Variants in LDLRAD4 observed in about 807,000 individuals in gnomAD.
LDLRAD4 encodes low-density lipoprotein receptor class A domain-containing protein 4.
Under a neutral mutation model 17.0 loss-of-function variants are expected in LDLRAD4, and 5 were observed. The ratio of observed to expected loss-of-function variants is 0.29; its 90% confidence interval spans 0.15 to 0.62. The LOEUF (loss-of-function observed/expected upper bound fraction) is 0.62, where lower values mean the gene tolerates loss of function less well. Among genes scored for constraint, LDLRAD4 ranks in the 20% least tolerant of loss-of-function variants. The pLI is 0.84. For missense variants in LDLRAD4, 340 were observed against 424.7 expected, an observed-to-expected ratio of 0.80 and a Z score of 1.75; for synonymous variants, 168 against 171.8, an observed-to-expected ratio of 0.98 and a Z score of 0.17.
chr18:13,605,384 A>AT (rs1236716615), intron 3 of LDLRAD4, among the ~76,000 whole-genome samples: 19 of 152,258 alleles, frequency 1.2e-4, no homozygotes, highest in African/African-American at 4.6e-4. Flanking sequence ...CACCTGGCTA[A>AT]TTTTTAAATT....
chr18:13,601,397 G>A (rs1423947887), intron 3 of LDLRAD4, among the ~76,000 whole-genome samples: 1 of 152,070 alleles, frequency 6.6e-6, no homozygotes, highest in African/African-American at 2.4e-5. Flanking sequence ...CTAACCATAA[G>A]AGAAATGCAA....
intron 1 of LDLRAD4, among the ~76,000 whole-genome samples, chr18:13,254,542 G>T (rs1375024492): frequency 6.6e-6 from 1 of 152,250 alleles, no homozygotes; most frequent in Non-Finnish European, 1.5e-5. Context: ...GACCCTCCAT[G>T]CTTCTGCCAG....
intron 1 of LDLRAD4, among the ~76,000 whole-genome samples, chr18:13,226,987 T>C (rs1349284820): frequency 6.6e-6 from 1 of 152,080 alleles, no homozygotes; most frequent in Admixed American, 6.5e-5. Flanking sequence ...GTTCAGTCGC[T>C]TCTCTTCATT....
chr18:13,483,442 G>A (rs1324216983), intron 3 of LDLRAD4, among the ~76,000 whole-genome samples: 2 of 152,152 alleles, frequency 1.3e-5, no homozygotes, highest in Non-Finnish European at 2.9e-5. Context: ...CCCTGGACCC[G>A]GGGGTCATGT....
intron 2 of LDLRAD4, among the ~76,000 whole-genome samples, chr18:13,434,184 A>G (rs1292722687): frequency 5.3e-5 from 8 of 151,544 alleles, no homozygotes. Flanking sequence ...AGATTGTGTT[A>G]TTACCAGAAG....
chr18:13,545,744 A>G, intron 3 of LDLRAD4, among the ~76,000 whole-genome samples: 1 of 152,144 alleles, frequency 6.6e-6, no homozygotes, highest in African/African-American at 2.4e-5. Context: ...AATTTATGAC[A>G]CCAAGCATAC....
At chr18:13,368,055 G>A (rs912437644) in intron 1 of LDLRAD4, among the ~76,000 whole-genome samples, 1 of 152,116 alleles carries the variant, frequency 6.6e-6, no homozygotes, top group African/African-American at 2.4e-5. Context: ...AACAGATGTG[G>A]GAGGAAGGGT....
chr18:13,283,085 G>A lies in LDLRAD4; in HGVS notation c.-383+4897G>A, dbSNP rs2045383625. ...GCACCAAGTCCCTAGGTTGCATACAGCACGGGGACCCTGGGCCCAGCCCAC... is the reference window on the plus strand; with the variant it reads ...GCACCAAGTCCCTAGGTTGCATACAACACGGGGACCCTGGGCCCAGCCCAC... On this transcript the variant is annotated intron_variant, in intron 1 of 5. Transcript: ENST00000359446. Among the ~76,000 whole-genome samples the A allele has an allele frequency of 3.3e-5, 5 of 152,334 alleles. No individual in the cohort carries two copies. In the South Asian group the frequency reaches 1.0e-3, roughly 32 times the overall value.
At chr18:13,260,900 A>G (rs892976146) in intron 1 of LDLRAD4, among the ~76,000 whole-genome samples, 9 of 152,208 alleles carry the variant, frequency 5.9e-5, no homozygotes, top group East Asian at 1.9e-4. Flanking sequence ...GTGCCTCCCT[A>G]TGGCCTCCCT....
intron 1 of LDLRAD4, among the ~76,000 whole-genome samples, chr18:13,308,754 C>G (rs556789413): frequency 6.6e-6 from 1 of 152,276 alleles, no homozygotes; most frequent in Non-Finnish European, 1.5e-5. Flanking sequence ...ATTAGGGAAG[C>G]AGACTTCCCT....
intron 3 of LDLRAD4, among the ~76,000 whole-genome samples, chr18:13,494,415 C>G (rs77382313): frequency 0.074 from 11,302 of 151,716 alleles, 487 homozygotes; most frequent in Non-Finnish European, 0.097. Context: ...AATGTGCCAC[C>G]GAAACTCTAA....
At chr18:13,386,891 C>CATAGATAGATAG (rs71174169) in intron 1 of LDLRAD4, among the ~76,000 whole-genome samples, 9 of 146,910 alleles carry the variant, frequency 6.1e-5, no homozygotes, top group Non-Finnish European at 1.2e-4. Context: ...CCCTGTCATT[C>CATAGATAGATAG]ATAGATAGAT....
At chr18:13,436,289 G>T (rs1353677304) in intron 2 of LDLRAD4, among the ~76,000 whole-genome samples, 1 of 152,172 alleles carries the variant, frequency 6.6e-6, no homozygotes, top group African/African-American at 2.4e-5. Context: ...TAATATATTG[G>T]TTATATGAAC....
intron 4 of LDLRAD4, chr18:13,642,876 C>G: frequency 6.1e-6 from 3 of 488,150 alleles, no homozygotes; most frequent in Non-Finnish European, 9.7e-6. Flanking sequence ...GGGACGGGCT[C>G]TTTCTCGCTC....
At chr18:13,226,848 C>A (rs978273276) in intron 1 of LDLRAD4, among the ~76,000 whole-genome samples, 3 of 152,192 alleles carry the variant, frequency 2.0e-5, no homozygotes, top group African/African-American at 7.2e-5. Context: ...TGGGCATAGA[C>A]TGCTCTTGGT....
intron 2 of LDLRAD4, among the ~76,000 whole-genome samples, chr18:13,433,344 G>A (rs1293921984): frequency 6.6e-6 from 1 of 152,192 alleles, no homozygotes; most frequent in Non-Finnish European, 1.5e-5. Context: ...AACTAAATGA[G>A]TCAGTGTTGC....
Position 13,645,236 on chromosome 18 carries a change from A to G in LDLRAD4, c.500A>G (p.Asp167Gly). Residue 167 changes from aspartate to glycine, a missense_variant, in exon 6 of 6, where the codon GAT becomes GGT. Transcript: ENST00000359446. The surrounding 1 kb of genome is among the most constrained non-coding windows in gnomAD (Gnocchi z 5.7). Reference sequence around the variant, plus strand: ...TACCCCTATGTGCAGCACGAGATTGATCTTCCTCCCACCATCTCCCTGTCC... The same window carrying G: ...TACCCCTATGTGCAGCACGAGATTGGTCTTCCTCCCACCATCTCCCTGTCC... 6.2e-7 allele frequency: 1 copy of G among 1,613,946 alleles called. No homozygotes were observed. Among genetic ancestry groups the G allele is most frequent in the Non-Finnish European group, 8.5e-7 (1 of 1,180,012 alleles).
intron 1 of LDLRAD4, among the ~76,000 whole-genome samples, chr18:13,221,049 C>G (rs1011154698): frequency 1.3e-5 from 2 of 152,222 alleles, no homozygotes; most frequent in Non-Finnish European, 2.9e-5. Flanking sequence ...CATGTTTCTT[C>G]TCATCTTTCT....
intron 3 of LDLRAD4, among the ~76,000 whole-genome samples, chr18:13,587,041 T>G (rs2094945359): frequency 6.6e-6 from 1 of 152,044 alleles, no homozygotes; most frequent in Non-Finnish European, 1.5e-5. Flanking sequence ...TATTATATGT[T>G]TATTCATTTT....
Sources: allele counts gnomAD v4.1 joint callset (sites outside exome capture counted in the v4.1 genomes callset), GRCh38; gene constraint gnomAD v4.1.1; non-coding constraint Gnocchi (gnomAD v3.1); transcripts MANE v1.5; gene names NCBI Gene and HGNC (gene_info 2026-07-23, HGNC 2026-07-21).